Variants in GALNT18 observed in about 807,000 individuals in gnomAD.
GALNT18 encodes GalNAc-transferase 18.
In GALNT18, 44 loss-of-function variants were observed where a neutral mutation model predicts 69.5. That is an observed-to-expected ratio of 0.63 (90% CI 0.50 to 0.81). The LOEUF (loss-of-function observed/expected upper bound fraction) is 0.81, where lower values mean the gene tolerates loss of function less well. Ranked by LOEUF, GALNT18 falls within the 40% of genes least tolerant of loss-of-function variation. GALNT18 has a pLI of 0.00. For missense variants in GALNT18, 715 were observed against 810.0 expected (o/e 0.88, Z 1.42); for synonymous variants, 364 against 318.2 (o/e 1.14, Z -1.53).
At chr11:11,381,926 A>G (rs1189595576) in intron 3 of GALNT18, among the ~76,000 whole-genome samples, 1 of 152,246 alleles carries the variant, frequency 6.6e-6, no homozygotes, top group African/African-American at 2.4e-5. Flanking sequence ...TGGCTGTAAT[A>G]AACATTTTCT....
At chr11:11,395,387 G>A (rs1589966562) in intron 3 of GALNT18, among the ~76,000 whole-genome samples, 1 of 152,232 alleles carries the variant, frequency 6.6e-6, no homozygotes, top group Non-Finnish European at 1.5e-5. Context: ...CAGGGCCTGT[G>A]CTTCGTCTGC....
chr11:11,289,707 G>T (rs776066196), intron 10 of GALNT18, among the ~76,000 whole-genome samples: 24 of 152,336 alleles, frequency 1.6e-4, no homozygotes, highest in African/African-American at 2.9e-4. Flanking sequence ...ACCTCAGAGC[G>T]TGGGTGGGAA....
chr11:11,271,162 C>T lies in GALNT18; in HGVS notation c.1806G>A (p.Leu602=), dbSNP rs137911823. ...CGGTGGGTCAGGACGCGAGGCTCCT[C>T]AGGACGTTGGTGATGCTCCAGTGCT... ...SGQHWSITNV[L]RSLAS Residue 602 remains leucine (L), a synonymous_variant, in exon 11 of 11, where the codon CTG becomes CTA. Transcript: ENST00000227756. 4 of 1,613,280 alleles carry T rather than the reference C, an allele frequency of 2.5e-6. No homozygotes were observed. Among genetic ancestry groups the T allele is most frequent in the Non-Finnish European group, 3.4e-6 (4 of 1,179,294 alleles).
chr11:11,330,652 G>T (rs997461573), intron 8 of GALNT18, among the ~76,000 whole-genome samples: 1 of 152,190 alleles, frequency 6.6e-6, no homozygotes, highest in Non-Finnish European at 1.5e-5. Context: ...CACAGGCCCA[G>T]CTCTGGACTC....
intron 1 of GALNT18, among the ~76,000 whole-genome samples, chr11:11,615,980 T>C (rs542291319): frequency 6.6e-6 from 1 of 152,186 alleles, no homozygotes; most frequent in African/African-American, 2.4e-5. Context: ...AAACACTGAG[T>C]CTTTTTTTCT....
At chr11:11,457,824 G>A (rs910392032) in intron 1 of GALNT18, among the ~76,000 whole-genome samples, 2 of 152,222 alleles carry the variant, frequency 1.3e-5, no homozygotes, top group Admixed American at 1.3e-4. Context: ...AGGGTGGGTG[G>A]GGAGTGGGGG....
intron 1 of GALNT18, among the ~76,000 whole-genome samples, chr11:11,574,751 C>T (rs907997125): frequency 7.0e-6 from 1 of 143,466 alleles, no homozygotes. Flanking sequence ...CCACACAAAA[C>T]AGATGGAGCC....
At position 11,614,362 on chromosome 11, in the gene GALNT18, A is replaced by AGAG. The variant is rs10612380; in HGVS notation, c.235+6994_235+6996dup. ...CAAGAGAGTGAGGAGAAGAAGAAGA[A>AGAG]GAGGAGGAGGAGGAGGAGGAGGAGG... On this transcript the variant is annotated intron_variant, in intron 1 of 10. Transcript: ENST00000227756. The surrounding 1 kb of genome is among the most constrained non-coding windows in gnomAD (Gnocchi z 5.6). Among the ~76,000 whole-genome samples, 714 of 146,408 alleles carry AGAG rather than the reference A, an allele frequency of 4.9e-3. 4 individuals are homozygous for AGAG. Among genetic ancestry groups the AGAG allele is most frequent in the African/African-American group, 9.2e-3 (359 of 39,020 alleles).
Position 11,407,247 on chromosome 11 carries a change from G to A in GALNT18, c.595+25374C>T, listed in dbSNP as rs574355512. On this transcript the variant is annotated intron_variant, in intron 3 of 10. Coordinates refer to ENST00000227756, the MANE Select transcript of GALNT18 (RefSeq NM_198516.3). The stretch of plus-strand genomic sequence containing the variant: ...GCAGGGGCTGGTTTTAAAGGTTGGC[G>A]TGTCCAGCTGACAGTCATCCTTCTT... 8.5e-5 allele frequency among the ~76,000 whole-genome samples: 13 copies of A among 152,356 alleles called. No individual in the cohort carries two copies. In the South Asian group the frequency reaches 2.1e-3, roughly 24 times the overall value.
intron 1 of GALNT18, among the ~76,000 whole-genome samples, chr11:11,503,541 G>C (rs535913498): frequency 6.6e-6 from 1 of 152,092 alleles, no homozygotes; most frequent in Non-Finnish European, 1.5e-5. Context: ...AGACTCCATG[G>C]TGCCTGCTCA....
intron 3 of GALNT18, among the ~76,000 whole-genome samples, chr11:11,409,801 C>T (rs1163411414): frequency 6.6e-6 from 1 of 152,190 alleles, no homozygotes; most frequent in Non-Finnish European, 1.5e-5. Context: ...GTCCCCTCTG[C>T]TATGTGAGTC....
intron 1 of GALNT18, among the ~76,000 whole-genome samples, chr11:11,451,741 G>A (rs1462922006): frequency 6.6e-6 from 1 of 152,136 alleles, no homozygotes; most frequent in Non-Finnish European, 1.5e-5. Flanking sequence ...GGACTCAATC[G>A]ATCATTTCAA....
At chr11:11,369,304 C>T (rs1051262874) in intron 6 of GALNT18, among the ~76,000 whole-genome samples, 2 of 152,186 alleles carry the variant, frequency 1.3e-5, no homozygotes, top group African/African-American at 4.8e-5. Flanking sequence ...GCTATGTTCC[C>T]TCCCAACCCT....
Position 11,377,058 on chromosome 11 carries a change from C to T in GALNT18, c.977+124G>A, listed in dbSNP as rs923254497. The T allele has an allele frequency of 2.5e-5, 21 of 824,452 alleles. No homozygotes were observed. The highest frequency in any genetic ancestry group is 3.4e-5 in the South Asian group (2 of 59,304). The allele number at this position is 824,452 out of a possible 1,614,324, so 51.1% of individuals were successfully genotyped here. ...CTGAAGATCAGACTGCAGTTCCTTT[C>T]GACCCTGCCCACCCCTGTCATCCCC... On this transcript the variant is annotated intron_variant, in intron 5 of 10. Transcript: ENST00000227756. The surrounding 1 kb of genome is among the most constrained non-coding windows in gnomAD (Gnocchi z 4.6).
At chr11:11,452,337 T>C (rs1855819535) in intron 1 of GALNT18, among the ~76,000 whole-genome samples, 1 of 152,230 alleles carries the variant, frequency 6.6e-6, no homozygotes, top group Non-Finnish European at 1.5e-5. Context: ...ATAACAATAG[T>C]GCCTTCTTCA....
Position 11,320,700 on chromosome 11 carries a change from C to A in GALNT18, c.1512+6386G>T, listed in dbSNP as rs893945021. ...AGACAGCAGCCCCTTACCTTTCACTCATCCCCTGCCCCTGCGTTCATCATG... is the reference window on the plus strand; with the variant it reads ...AGACAGCAGCCCCTTACCTTTCACTAATCCCCTGCCCCTGCGTTCATCATG... On this transcript the variant is annotated intron_variant, in intron 9 of 10. Transcript: ENST00000227756. This position sits in a 1 kb window ranked among gnomAD's most constrained non-coding sequence, Gnocchi z 4.9. Among the ~76,000 whole-genome samples the A allele has an allele frequency of 1.3e-5, 2 of 152,208 alleles. No homozygotes were observed. Among genetic ancestry groups the A allele is most frequent in the Non-Finnish European group, 1.5e-5 (1 of 68,046 alleles).
intron 1 of GALNT18, among the ~76,000 whole-genome samples, chr11:11,536,557 C>A (rs748700087): frequency 2.0e-5 from 3 of 152,042 alleles, no homozygotes; most frequent in Non-Finnish European, 4.4e-5. Flanking sequence ...TAACTTCTCC[C>A]TTCCTGACAT....
chr11:11,353,936 G>A (rs1564907364), intron 6 of GALNT18, among the ~76,000 whole-genome samples: 2 of 152,200 alleles, frequency 1.3e-5, no homozygotes, highest in Admixed American at 1.3e-4. Flanking sequence ...TGGTGTCTAT[G>A]TGTCTGGCTC....
At chr11:11,406,955 G>A (rs566875890) in intron 3 of GALNT18, among the ~76,000 whole-genome samples, 194 of 152,340 alleles carry the variant, frequency 1.3e-3, no homozygotes, top group Non-Finnish European at 2.0e-3. Context: ...TGGAGGGTTT[G>A]CACTGAGGTG....
Sources: gnomAD v4.1 joint callset for allele counts (sites outside exome capture counted in the v4.1 genomes callset) on GRCh38, gnomAD v4.1.1 for gene constraint, Gnocchi (gnomAD v3.1) non-coding constraint, MANE v1.5 for transcripts, NCBI Gene and HGNC (gene_info 2026-07-23, HGNC 2026-07-21) for gene names.